COL26A1: variants seen among roughly 807,000 people sequenced by gnomAD.
The protein encoded by COL26A1 is collagen alpha-1(XXVI) chain.
A neutral mutation model predicts 59.3 loss-of-function variants in COL26A1; 41 were observed. The ratio of observed to expected loss-of-function variants is 0.69; its 90% CI spans 0.54 to 0.90. The LOEUF (loss-of-function observed/expected upper bound fraction) is 0.90, where lower values mean the gene tolerates loss of function less well. COL26A1 is among the 40% of genes least tolerant of loss of function. The pLI, the probability that COL26A1 is intolerant of heterozygous loss-of-function variation, is 0.00. For synonymous variants in COL26A1, 266 were observed against 256.0 expected (o/e 1.04, Z -0.37); for missense variants, 612 against 602.3 (o/e 1.02, Z -0.17).
Position 101,366,474 on chromosome 7 carries a change from ATTTTTTTTTTTTTTTTTTTTTT to A in COL26A1, c.158+3306_158+3327del, listed in dbSNP as rs869149636. Among the ~76,000 whole-genome samples the A allele has an allele frequency of 9.6e-4, 73 of 76,274 alleles. 3 individuals are homozygous for A. The highest frequency in any genetic ancestry group is 0.02 in the Middle Eastern group (2 of 102). 50.0% of individuals were successfully genotyped at this position (76,274 alleles called of 152,430 possible). A position where few individuals can be genotyped will look rare whatever the true frequency, so the allele number is the denominator to read the frequency against. On this transcript the variant is annotated intron_variant, in intron 1 of 12. Transcript: ENST00000313669. ...TGTTACTGCTCCTTGTTAACGTCTG[ATTTTTTTTTTTTTTTTTTTTTT>A]TTTTTTTTTTTTTTTTTTTTTAAAG...
intron 1 of COL26A1, among the ~76,000 whole-genome samples, chr7:101,418,578 C>T (rs1330477992): frequency 6.6e-6 from 1 of 152,058 alleles, no homozygotes; most frequent in African/African-American, 2.4e-5. Context: ...AAGTGATACT[C>T]CTGCCTCAGC....
At chr7:101,446,046 C>CAAAAAA (rs60343304) in intron 2 of COL26A1, among the ~76,000 whole-genome samples, 4 of 50,996 alleles carry the variant, frequency 7.8e-5, no homozygotes, top group Non-Finnish European at 1.1e-4. Context: ...GACTCCGTCT[C>CAAAAAA]AAAAAAAAAA....
chr7:101,555,967 C>T, intron 12 of COL26A1, 96 bp downstream of exon 12: 3 of 1,040,320 alleles, frequency 2.9e-6, no homozygotes, highest in Non-Finnish European at 4.3e-6. Flanking sequence ...TCTCTGGTCT[C>T]CCTCCCTTGC....
intron 3 of COL26A1, among the ~76,000 whole-genome samples, chr7:101,512,344 TGTG>T (rs1794943421): frequency 6.6e-6 from 1 of 151,946 alleles, no homozygotes; most frequent in African/African-American, 2.4e-5. Flanking sequence ...CCTAGCCAGG[TGTG>T]GTGGCTCACG....
chr7:101,442,133 G>A (rs559594020), intron 2 of COL26A1, among the ~76,000 whole-genome samples: 22 of 152,272 alleles, frequency 1.4e-4, no homozygotes, highest in Non-Finnish European at 3.1e-4. Flanking sequence ...TGGCCCTTGC[G>A]CCTGCCCCGG....
At chr7:101,459,805 A>G (rs13239482) in intron 3 of COL26A1, among the ~76,000 whole-genome samples, 66,691 of 151,836 alleles carry the variant, frequency 0.44, 15,434 homozygotes, top group Middle Eastern at 0.54. Context: ...TGAATCCCCT[A>G]GACTCCTATA....
At chr7:101,424,505 G>A (rs968938671) in intron 2 of COL26A1, among the ~76,000 whole-genome samples, 15 of 152,050 alleles carry the variant, frequency 9.9e-5, no homozygotes, top group African/African-American at 3.6e-4. Context: ...GGCTGAGGCA[G>A]GAGAATCACT....
intron 1 of COL26A1, among the ~76,000 whole-genome samples, chr7:101,415,156 C>CT (rs199896601): frequency 1.3e-4 from 14 of 104,664 alleles, no homozygotes; most frequent in Middle Eastern, 5.5e-3. Flanking sequence ...TAACCCCCCC[C>CT]CTTTTTTTTT....
chr7:101,453,030 C>T (rs1030956906), intron 3 of COL26A1, among the ~76,000 whole-genome samples: 2 of 152,124 alleles, frequency 1.3e-5, no homozygotes, highest in Admixed American at 6.5e-5. Flanking sequence ...GGATTACAGG[C>T]GTGAGCCACT....
At chr7:101,450,958 G>A (rs1478064015) in intron 3 of COL26A1, among the ~76,000 whole-genome samples, 1 of 141,224 alleles carries the variant, frequency 7.1e-6, no homozygotes, top group Non-Finnish European at 1.5e-5. Flanking sequence ...ATTAATTATT[G>A]ATAATAAATA....
In COL26A1 at chr7:101,447,716, T is replaced by C. The variant is rs1315634770; in HGVS notation, c.314T>C (p.Val105Ala). The C allele has an allele frequency of 6.2e-7, 1 of 1,605,042 alleles. No homozygotes were observed. Among genetic ancestry groups the C allele is most frequent in the Non-Finnish European group, 8.5e-7 (1 of 1,176,082 alleles). The change falls in exon 3 of 13, where the codon GTG becomes GCG. Residue 105 changes from valine (V) to alanine (A), a missense_variant. Val to Ala is a moderately conservative substitution (Grantham distance 64, BLOSUM62 0). Coordinates refer to ENST00000313669, the MANE Select transcript of COL26A1 (RefSeq NM_001278563.3). The stretch of plus-strand genomic sequence containing the variant: ...ACTCTGATCAGACCCACCTACAGAG[T>C]GTCCTACCGCACGGTGACGGTGCTG... Reference protein sequence around the residue: ...YRTLIRPTYRVSYRTVTVLEW... With the variant: ...YRTLIRPTYRASYRTVTVLEW...
At chr7:101,397,531 TC>T (rs145665554) in intron 1 of COL26A1, among the ~76,000 whole-genome samples, 13,799 of 114,858 alleles carry the variant, frequency 0.12, 810 homozygotes, top group African/African-American at 0.16. Context: ...CCTTCTCTCC[TC>T]CCCCCCCCTC....
intron 1 of COL26A1, among the ~76,000 whole-genome samples, chr7:101,371,415 G>A (rs1393550151): frequency 6.6e-6 from 1 of 152,070 alleles, no homozygotes; most frequent in South Asian, 2.1e-4. Flanking sequence ...TTGGGAGACC[G>A]AGGTGGGAGG....
chr7:101,488,577 T>C (rs1418508172), intron 3 of COL26A1, among the ~76,000 whole-genome samples: 1 of 151,734 alleles, frequency 6.6e-6, no homozygotes, highest in Non-Finnish European at 1.5e-5. Context: ...GGTTTCACCA[T>C]GTTAGCCAGG....
chr7:101,489,619 TTC>T lies in COL26A1; in HGVS notation c.385+41834_385+41835del, dbSNP rs1491204156. Among the ~76,000 whole-genome samples the T allele has an allele frequency of 1.3e-4, 7 of 54,512 alleles. 1 individual carries two copies. The highest frequency in any genetic ancestry group is 1.2e-3 in the African/African-American group (6 of 5,084). 35.8% of individuals were successfully genotyped at this position (54,512 alleles called of 152,430 possible). A position where few individuals can be genotyped will look rare whatever the true frequency, so the allele number is the denominator to read the frequency against. ...TCTTTCTTTTTCTTTCTTTCTTTCT[TTC>T]TTTCTTTCTTTCTTTCTTTCTTTCT... On this transcript the variant is annotated intron_variant, in intron 3 of 12. Coordinates refer to ENST00000313669, the MANE Select transcript of COL26A1 (RefSeq NM_001278563.3).
At chr7:101,498,803 G>A (rs1384361629) in intron 3 of COL26A1, among the ~76,000 whole-genome samples, 2 of 152,136 alleles carry the variant, frequency 1.3e-5, no homozygotes, top group Admixed American at 1.3e-4. Context: ...TTGTTGTTGG[G>A]AGACGCAGGC....
chr7:101,517,166 G>T (rs931481308), intron 3 of COL26A1, among the ~76,000 whole-genome samples: 1 of 152,038 alleles, frequency 6.6e-6, no homozygotes, highest in Non-Finnish European at 1.5e-5. Flanking sequence ...CTGCCCTAGG[G>T]AAGCTGAGCC....
At chr7:101,504,940 G>A (rs1794777451) in intron 3 of COL26A1, among the ~76,000 whole-genome samples, 1 of 152,182 alleles carries the variant, frequency 6.6e-6, no homozygotes, top group South Asian at 2.1e-4. Flanking sequence ...GATCCCTTGA[G>A]GTCAGGAGTT....
At chr7:101,539,703 A>G (rs1039435347) in intron 4 of COL26A1, among the ~76,000 whole-genome samples, 190 bp from the exon 5 acceptor site, 1 of 152,102 alleles carries the variant, frequency 6.6e-6, no homozygotes, top group African/African-American at 2.4e-5. Flanking sequence ...TGATGTCAGA[A>G]GGAGGAGAGG....
Sources: allele counts gnomAD v4.1 joint callset (sites outside exome capture counted in the v4.1 genomes callset), GRCh38; gene constraint gnomAD v4.1.1; transcripts MANE v1.5; gene names NCBI Gene and HGNC (gene_info 2026-07-23, HGNC 2026-07-21).